The following RIF1 variants were observed in gnomAD, a reference collection of about 807,000 sequenced individuals.
The protein encoded by RIF1 is replication timing regulatory factor 1, also known as telomere-associated protein RIF1.
A neutral mutation model predicts 247.1 loss-of-function variants in RIF1; 45 were observed. That is an observed-to-expected ratio of 0.18 (90% CI 0.14 to 0.23). The LOEUF (loss-of-function observed/expected upper bound fraction) is 0.23. RIF1 is among the 10% of genes least tolerant of loss of function. RIF1 has a pLI of 1.00. For synonymous variants in RIF1, 1,087 were observed against 978.8 expected, an observed-to-expected ratio of 1.11 and a Z score of -2.06; for missense variants, 2,967 against 2,862.5, an observed-to-expected ratio of 1.04 and a Z score of -0.83.
intron 22 of RIF1, 89 bp from the exon 23 acceptor site, chr2:151,456,489 T>G: frequency 1.4e-6 from 1 of 725,342 alleles, no homozygotes; most frequent in Non-Finnish European, 2.3e-6. Context: ...TTATTATGTC[T>G]TTATTACCTT....
At position 151,443,529 on chromosome 2, in the gene RIF1, G is replaced by A. The variant is rs1385651434; in HGVS notation, c.1806G>A (p.Arg602=). The change falls in exon 18 of 36, where the codon AGG becomes AGA. Residue 602 remains arginine, a splice_region_variant and synonymous_variant. Coordinates refer to ENST00000444746, the MANE Select transcript of RIF1 (RefSeq NM_018151.5). Reference sequence around the variant, plus strand: ...GCATTTTTTATAATTTTTTGTTCAGGTTCTTTCTCAGTTTGGAATCACTTG... The same window carrying A: ...GCATTTTTTATAATTTTTTGTTCAGATTCTTTCTCAGTTTGGAATCACTTG... The part of the protein sequence containing the change: ...NFLECGVSDE[R]FFLSLESLVG... 2 of 1,555,644 alleles carry A rather than the reference G, an allele frequency of 1.3e-6. No individual in the cohort carries two copies. Among genetic ancestry groups the A allele is most frequent in the Middle Eastern group, 1.7e-4 (1 of 5,804 alleles).
At chr2:151,516,519 C>CA in the RIF1 span, 1 of 1,613,500 alleles carries the variant, frequency 6.2e-7, no homozygotes, top group Non-Finnish European at 8.5e-7. Context: ...CAAAGTCCAG[C>CA]ATGGGTTTTC....
At chr2:151,426,214 G>A (rs1481846604) in intron 8 of RIF1, among the ~76,000 whole-genome samples, 10 of 112,400 alleles carry the variant, frequency 8.9e-5, no homozygotes, top group Middle Eastern at 8.9e-3. Flanking sequence ...TGTCCGTGTC[G>A]CCCAGGCTGG....
intron 34 of RIF1, among the ~76,000 whole-genome samples, chr2:151,471,430 G>A (rs577108973): frequency 1.1e-4 from 16 of 152,194 alleles, no homozygotes; most frequent in Admixed American, 3.3e-4. Context: ...TGTTTTAGAC[G>A]TGAAGTCCTT....
At chr2:151,490,556 G>T (rs1242718486) in intron 9 of RIF1, 1 of 1,597,158 alleles carries the variant, frequency 6.3e-7, no homozygotes, top group Non-Finnish European at 8.5e-7. Context: ...TAGCAAACAT[G>T]AAATTTCTAT....
chr2:151,517,757 GA>G, the RIF1 span, among the ~76,000 whole-genome samples: 1 of 152,138 alleles, frequency 6.6e-6, no homozygotes, highest in African/African-American at 2.4e-5. Context: ...TCTAAGCATA[GA>G]AAAGGTACAG....
intron 19 of RIF1, among the ~76,000 whole-genome samples, chr2:151,445,963 TC>T (rs1177263869): frequency 6.6e-6 from 1 of 152,240 alleles, no homozygotes; most frequent in Non-Finnish European, 1.5e-5. Context: ...TTTCCTCTCT[TC>T]AGTTAGACCT....
chr2:151,437,034 T>G (rs766251977), intron 12 of RIF1, 31 bp downstream of exon 12: 1 of 1,571,686 alleles, frequency 6.4e-7, no homozygotes, highest in Admixed American at 1.8e-5. Context: ...TAATTTTAAT[T>G]ACTAAAACAG....
At chr2:151,430,322 T>G (rs1194175021) in intron 9 of RIF1, among the ~76,000 whole-genome samples, 2 of 151,158 alleles carry the variant, frequency 1.3e-5, no homozygotes, top group African/African-American at 4.9e-5. Flanking sequence ...CGCCCGGCCT[T>G]TTTTTTCTTT....
At chr2:151,529,768 A>T in the RIF1 span, among the ~76,000 whole-genome samples, 1 of 152,102 alleles carries the variant, frequency 6.6e-6, no homozygotes, top group Non-Finnish European at 1.5e-5. Flanking sequence ...ACCTCAGGTG[A>T]TCCCGCCCAC....
At chr2:151,441,681 A>C (rs903844179) in intron 15 of RIF1, among the ~76,000 whole-genome samples, 9 of 152,232 alleles carry the variant, frequency 5.9e-5, no homozygotes, top group Non-Finnish European at 1.3e-4. Flanking sequence ...TGGAGATTAA[A>C]GACTTTACCT....
chr2:151,498,132 T>A (rs748478190), intron 10 of RIF1: 259 of 1,523,044 alleles, frequency 1.7e-4, no homozygotes, highest in Non-Finnish European at 2.3e-5. Context: ...GGAAAGTATA[T>A]CCTTTTGTAA....
Position 151,445,330 on chromosome 2 carries a change from T to C in RIF1, c.1987-8T>C. 1.4e-6 allele frequency: 2 copies of C among 1,457,780 alleles called. No individual in the cohort carries two copies. The highest frequency in any genetic ancestry group is 1.9e-6 in the Non-Finnish European group (2 of 1,037,794). 90.3% of individuals were successfully genotyped at this position (1,457,780 alleles called of 1,614,324 possible). A position where few individuals can be genotyped will look rare whatever the true frequency, so the allele number is the denominator to read the frequency against. ...ATTTGTCTAACTTCATTATTTTTCT[T>C]GTTTTAGACCAATGAAGTAAATCAA... On this transcript the variant is annotated splice_region_variant and splice_polypyrimidine_tract_variant and intron_variant, in intron 18 of 35. Coordinates refer to ENST00000444746, the MANE Select transcript of RIF1 (RefSeq NM_018151.5).
In RIF1 at chr2:151,457,705, A is replaced by G. The variant is rs988015824; in HGVS notation, c.2653-56A>G. 5.2e-5 allele frequency: 68 copies of G among 1,308,694 alleles called. No homozygotes were observed. The Admixed American group carries it at 1.0e-3, about 19-fold the overall frequency. 81.1% of individuals were successfully genotyped at this position (1,308,694 alleles called of 1,614,324 possible). On this transcript the variant is annotated intron_variant, in intron 23 of 35. Transcript: ENST00000444746. ...TTTAAAAATTGAAATAGCAACATAT[A>G]TTCTGTGAGTTAATATTTAGTATAT...
At chr2:151,490,137 G>A in intron 9 of RIF1, 1 of 1,330,612 alleles carries the variant, frequency 7.5e-7, no homozygotes, top group Admixed American at 2.0e-5. Context: ...CCTTTAATCT[G>A]TGTTTAGCAG....
chr2:151,418,146 T>A (rs1019927676), intron 6 of RIF1, among the ~76,000 whole-genome samples: 1 of 152,210 alleles, frequency 6.6e-6, no homozygotes, highest in South Asian at 2.1e-4. Flanking sequence ...TCATAAAGAC[T>A]GTACACTTAG....
chr2:151,468,063 C>T lies in RIF1; in HGVS notation c.6664C>T (p.Arg2222Trp), dbSNP rs752900757. ...QAGLADDIDRRCSIVRSHSSN... is the reference protein window; with the variant it reads ...QAGLADDIDRWCSIVRSHSSN... ...AGGATTGGCAGATGACATTGATAGACGGTGCTCTATTGTTAGGTCCCATTC... is the reference window on the plus strand; with the variant it reads ...AGGATTGGCAGATGACATTGATAGATGGTGCTCTATTGTTAGGTCCCATTC... Residue 2222 changes from arginine (R) to tryptophan (W), a missense_variant, in exon 31 of 36, where the codon CGG becomes TGG. Physicochemically the swap from Arg to Trp is moderately radical, Grantham distance 101. This residue lies in a region of RIF1 where 2,028 missense variants were observed against 1,825.6 expected (regional missense o/e 1.11). Coordinates refer to ENST00000444746, the MANE Select transcript of RIF1 (RefSeq NM_018151.5). The T allele has an allele frequency of 1.7e-5, 27 of 1,613,216 alleles. No individual in the cohort carries two copies. Among genetic ancestry groups the T allele is most frequent in the African/African-American group, 4.0e-5 (3 of 74,858 alleles).
At chr2:151,436,685 ATTAATATT>A (rs146266097) in intron 11 of RIF1, 134 bp from the exon 12 acceptor site, 21,612 of 589,638 alleles carry the variant, frequency 0.037, 801 homozygotes, top group East Asian at 0.14. Flanking sequence ...ATACCTGCAT[ATTAATATT>A]TCAAGGTATG....
At chr2:151,493,323 G>C (rs2152849039) in intron 9 of RIF1, 1 of 1,480,822 alleles carries the variant, frequency 6.8e-7, no homozygotes, top group African/African-American at 1.4e-5. Context: ...CCAAGTTGTT[G>C]CACTATTTCT....
Sources: allele counts gnomAD v4.1 joint callset (sites outside exome capture counted in the v4.1 genomes callset), GRCh38; gene constraint gnomAD v4.1.1; regional missense constraint gnomAD v4.1.1; transcripts MANE v1.5; gene names NCBI Gene and HGNC (gene_info 2026-07-23, HGNC 2026-07-21).